Variants in NTM observed in about 807,000 individuals in gnomAD.
The protein encoded by NTM is IgLON family member 2.
NTM carries 13 observed loss-of-function variants against 42.1 expected under a neutral mutation model. The ratio of observed to expected loss-of-function variants is 0.31; its 90% CI spans 0.20 to 0.49. NTM has a LOEUF of 0.49. NTM is among the 20% of genes least tolerant of loss of function. NTM has a pLI of 0.99. For synonymous variants in NTM, 187 were observed against 179.2 expected (o/e 1.04, Z -0.35); for missense variants, 373 against 452.8 (o/e 0.82, Z 1.60).
In NTM at chr11:132,034,660, GACAAAGGA is replaced by G. The variant is rs1409135909; in HGVS notation, c.168-111619_168-111612del. Among the ~76,000 whole-genome samples, 12 of 152,326 alleles carry G rather than the reference GACAAAGGA, an allele frequency of 7.9e-5. No individual in the cohort carries two copies. The South Asian group carries it at 2.3e-3, about 29-fold the overall frequency. ...GCCATCAGATGGTTGTGAGTTTAGGGACAAAGGAACCTGGAGAGAGGAGTAGACTTTCT... is the reference window on the plus strand; with the variant it reads ...GCCATCAGATGGTTGTGAGTTTAGGGACCTGGAGAGAGGAGTAGACTTTCT... On this transcript the variant is annotated intron_variant, in intron 2 of 8. Transcript: ENST00000683400.
At chr11:131,560,123 T>C (rs1284477013) in intron 1 of NTM, among the ~76,000 whole-genome samples, 2 of 152,234 alleles carry the variant, frequency 1.3e-5, no homozygotes, top group Non-Finnish European at 2.9e-5. Context: ...CAGGAGATTC[T>C]GCAGGTAAAA....
rs529999690 is a variant in NTM at position 132,320,844 on chromosome 11, GCCT to G, written c.934+6146_934+6148del. Among the ~76,000 whole-genome samples, 1,160 of 151,810 alleles carry G rather than the reference GCCT, an allele frequency of 7.6e-3. 15 individuals carry two copies. The highest frequency in any genetic ancestry group is 0.071 in the Middle Eastern group (21 of 294). The stretch of plus-strand genomic sequence containing the variant: ...CTGGAGATCTGAGAACGGGCAGACT[GCCT>G]CCTCAAGTGGGTCCCTGACCCCTGA... On this transcript the variant is annotated intron_variant, in intron 7 of 8. Coordinates refer to ENST00000683400, the MANE Select transcript of NTM (RefSeq NM_001352005.2).
chr11:132,188,042 C>T (rs1020087376), intron 3 of NTM, among the ~76,000 whole-genome samples: 5 of 152,120 alleles, frequency 3.3e-5, no homozygotes, highest in Non-Finnish European at 7.3e-5. Context: ...TGACTTTACC[C>T]TCCAGGGAAC....
intron 1 of NTM, among the ~76,000 whole-genome samples, chr11:131,509,978 T>C (rs756362747): frequency 2.6e-5 from 4 of 152,074 alleles, no homozygotes; most frequent in Non-Finnish European, 5.9e-5. Context: ...AAAGGCTTTC[T>C]GAAGGAGGTG....
intron 3 of NTM, among the ~76,000 whole-genome samples, chr11:132,195,138 T>C (rs2079974784): frequency 6.6e-6 from 1 of 151,926 alleles, no homozygotes; most frequent in Admixed American, 6.6e-5. Flanking sequence ...CAATAGCATT[T>C]CTCTACACCA....
chr11:132,081,018 G>A (rs905919733), intron 2 of NTM, among the ~76,000 whole-genome samples: 1 of 152,232 alleles, frequency 6.6e-6, no homozygotes, highest in Non-Finnish European at 1.5e-5. Flanking sequence ...GAAGTTTCAT[G>A]TAAAGGAAGT....
intron 1 of NTM, among the ~76,000 whole-genome samples, chr11:131,516,822 G>C (rs365523): frequency 6.6e-6 from 1 of 151,998 alleles, no homozygotes; most frequent in Admixed American, 6.5e-5. Flanking sequence ...GTCTCTCTCT[G>C]TTTCACTCTC....
At chr11:132,050,632 C>A (rs764864388) in intron 2 of NTM, among the ~76,000 whole-genome samples, 1 of 152,186 alleles carries the variant, frequency 6.6e-6, no homozygotes, top group African/African-American at 2.4e-5. Context: ...GGGTTTATGG[C>A]GGCAAAGCCT....
chr11:132,123,102 C>A (rs940196717), intron 2 of NTM, among the ~76,000 whole-genome samples: 1 of 152,182 alleles, frequency 6.6e-6, no homozygotes, highest in Non-Finnish European at 1.5e-5. Context: ...TCTCACTCCC[C>A]CTTTGCTTCT....
At chr11:131,856,997 T>G (rs933085819) in intron 1 of NTM, among the ~76,000 whole-genome samples, 17 of 152,226 alleles carry the variant, frequency 1.1e-4, no homozygotes, top group Non-Finnish European at 2.5e-4. Flanking sequence ...TTGATCCTTT[T>G]TTTACCTTTT....
chr11:131,627,310 G>A (rs1000827956), intron 1 of NTM, among the ~76,000 whole-genome samples: 2 of 151,752 alleles, frequency 1.3e-5, no homozygotes, highest in Non-Finnish European at 2.9e-5. Flanking sequence ...TGAGAGCAGA[G>A]GAATGTCTGA....
At chr11:131,783,586 A>G (rs1415421913) in intron 1 of NTM, among the ~76,000 whole-genome samples, 1 of 152,192 alleles carries the variant, frequency 6.6e-6, no homozygotes, top group African/African-American at 2.4e-5. Context: ...CTGAATATTT[A>G]TATGGAAGAG....
intron 2 of NTM, among the ~76,000 whole-genome samples, chr11:131,961,939 T>C (rs1275883206): frequency 6.6e-6 from 1 of 152,178 alleles, no homozygotes; most frequent in African/African-American, 2.4e-5. Flanking sequence ...TCTAGGATGA[T>C]GATGGATCCA....
chr11:131,874,060 T>TAC (rs2048247485), intron 1 of NTM, among the ~76,000 whole-genome samples: 1 of 101,310 alleles, frequency 9.9e-6, no homozygotes, highest in Non-Finnish European at 2.0e-5. Context: ...TATATATATA[T>TAC]ATATATATCA....
chr11:132,034,713 C>G (rs935664109), intron 2 of NTM, among the ~76,000 whole-genome samples: 6 of 152,206 alleles, frequency 3.9e-5, no homozygotes, highest in African/African-American at 1.4e-4. Context: ...CTCAGAGTCT[C>G]AGAGAAATGA....
chr11:131,758,565 C>T (rs1243135892), intron 1 of NTM, among the ~76,000 whole-genome samples: 5 of 146,870 alleles, frequency 3.4e-5, no homozygotes, highest in East Asian at 2.0e-4. Context: ...TCTTTCTTTC[C>T]TTCCTTCCTT....
At chr11:131,572,665 T>C (rs1322766855) in intron 1 of NTM, among the ~76,000 whole-genome samples, 1 of 152,066 alleles carries the variant, frequency 6.6e-6, no homozygotes, top group African/African-American at 2.4e-5. Flanking sequence ...CGCGAGCAGC[T>C]CAGACATCCC....
intron 1 of NTM, among the ~76,000 whole-genome samples, chr11:131,743,214 C>T (rs2081394968): frequency 6.6e-6 from 1 of 151,102 alleles, no homozygotes; most frequent in African/African-American, 2.4e-5. Context: ...TTGTGCATTT[C>T]ACTGGTTATT....
At chr11:132,328,485 T>C (rs950029285) in intron 7 of NTM, among the ~76,000 whole-genome samples, 2 of 152,126 alleles carry the variant, frequency 1.3e-5, no homozygotes, top group Admixed American at 1.3e-4. Context: ...GAGGTTTTTT[T>C]GGGGGGGTCT....
Sources: gnomAD v4.1 joint callset for allele counts (sites outside exome capture counted in the v4.1 genomes callset) on GRCh38, gnomAD v4.1.1 for gene constraint, MANE v1.5 for transcripts, NCBI Gene and HGNC (gene_info 2026-07-23, HGNC 2026-07-21) for gene names.